Variants in SLC10A7 observed in about 807,000 individuals in gnomAD.
SLC10A7 encodes sodium/bile acid cotransporter 7.
In SLC10A7, 29 loss-of-function variants were observed where a neutral mutation model predicts 43.2. That is an observed-to-expected ratio of 0.67 (90% CI 0.50 to 0.92). SLC10A7 has a LOEUF of 0.92. SLC10A7 is among the 40% of genes least tolerant of loss of function. SLC10A7 has a pLI of 0.00. For synonymous variants in SLC10A7, 152 were observed against 144.8 expected, an observed-to-expected ratio of 1.05 and a Z score of -0.35; for missense variants, 295 against 403.2, an observed-to-expected ratio of 0.73 and a Z score of 2.30.
chr4:146,513,438 T>G (rs10026558), intron 2 of SLC10A7, among the ~76,000 whole-genome samples: 121,504 of 152,116 alleles, frequency 0.8, 48,986 homozygotes, highest in East Asian at 0.96. Flanking sequence ...ACTAAAAAAT[T>G]GATGTTAATA....
intron 5 of SLC10A7, among the ~76,000 whole-genome samples, chr4:146,336,338 G>A (rs545869617): frequency 1.3e-5 from 2 of 152,048 alleles, no homozygotes; most frequent in African/African-American, 4.8e-5. Context: ...ACTTGGCTTT[G>A]AGTGAACCCA....
At chr4:146,408,290 A>C (rs901440609) in intron 5 of SLC10A7, among the ~76,000 whole-genome samples, 1 of 152,052 alleles carries the variant, frequency 6.6e-6, no homozygotes, top group Admixed American at 6.6e-5. Context: ...GCTCACAGCT[A>C]TGATCTTAGC....
intron 5 of SLC10A7, among the ~76,000 whole-genome samples, chr4:146,432,964 G>A (rs890307419): frequency 2.0e-5 from 3 of 151,138 alleles, no homozygotes; most frequent in Non-Finnish European, 4.4e-5. Flanking sequence ...CGTGAACTCG[G>A]GAGGCGGAGC....
chr4:146,289,505 T>C (rs1448427995), intron 9 of SLC10A7, among the ~76,000 whole-genome samples: 1 of 152,098 alleles, frequency 6.6e-6, no homozygotes, highest in Non-Finnish European at 1.5e-5. Flanking sequence ...CTGCTTTCCT[T>C]TTCTAAGCTT....
intron 10 of SLC10A7, among the ~76,000 whole-genome samples, chr4:146,259,872 C>T (rs10519783): frequency 0.47 from 70,935 of 152,038 alleles, 16,794 homozygotes; most frequent in Admixed American, 0.57. Flanking sequence ...GCTTTAATAG[C>T]CTAGCTTTCT....
chr4:146,515,292 A>C, intron 2 of SLC10A7: 1 of 627,560 alleles, frequency 1.6e-6, no homozygotes, highest in Non-Finnish European at 2.9e-6. Flanking sequence ...CATAAAGAGC[A>C]TTAGCCAAGG....
chr4:146,464,484 G>A (rs938271104), intron 4 of SLC10A7, among the ~76,000 whole-genome samples: 3 of 151,844 alleles, frequency 2.0e-5, no homozygotes, highest in Admixed American at 2.0e-4. Context: ...TACCATACAA[G>A]AACATAAAAT....
At chr4:146,383,812 GACA>G (rs1244845077) in intron 5 of SLC10A7, among the ~76,000 whole-genome samples, 1 of 152,132 alleles carries the variant, frequency 6.6e-6, no homozygotes, top group African/African-American at 2.4e-5. Flanking sequence ...TGATGATGAA[GACA>G]ACAACAAGCT....
intron 1 of SLC10A7, 109 bp from the exon 2 acceptor site, chr4:146,517,229 G>T: frequency 1.4e-6 from 1 of 728,692 alleles, no homozygotes; most frequent in Non-Finnish European, 2.2e-6. Flanking sequence ...TTGGGAGGCC[G>T]AGGCGAGTAG....
At chr4:146,282,751 T>G (rs1729630516) in intron 10 of SLC10A7, among the ~76,000 whole-genome samples, 1 of 152,202 alleles carries the variant, frequency 6.6e-6, no homozygotes, top group African/African-American at 2.4e-5. Flanking sequence ...AGCATCAAAC[T>G]AATGTCAATA....
chr4:146,442,029 A>C (rs1014022161), intron 5 of SLC10A7: 122 of 977,420 alleles, frequency 1.2e-4, no homozygotes, highest in Non-Finnish European at 1.3e-4. Context: ...GTTATGCCCC[A>C]AAAAATACAA....
intron 4 of SLC10A7, among the ~76,000 whole-genome samples, chr4:146,454,052 T>C (rs539449732): frequency 1.3e-4 from 20 of 152,076 alleles, no homozygotes; most frequent in African/African-American, 4.6e-4. Context: ...TAGAATACTT[T>C]TTAAGAGCTT....
rs528279298 is a variant in SLC10A7 at position 146,518,137 on chromosome 4, T to C, written c.101-1017A>G. ...TAAAAGTATCATTTGTGAGTGGATA[T>C]AAGTATCATTTGTGACATGTACACA... is the stretch of plus-strand genomic sequence containing the variant. On this transcript the variant is annotated intron_variant, in intron 1 of 11. Coordinates refer to ENST00000335472, the MANE Select transcript of SLC10A7 (RefSeq NM_001029998.6). 7.3e-4 allele frequency among the ~76,000 whole-genome samples: 111 copies of C among 152,280 alleles called. 1 individual carries two copies. Among genetic ancestry groups the C allele is most frequent in the African/African-American group, 2.6e-3 (106 of 41,556 alleles).
At chr4:146,463,357 T>G (rs747515300) in intron 4 of SLC10A7, among the ~76,000 whole-genome samples, 12 of 152,124 alleles carry the variant, frequency 7.9e-5, no homozygotes, top group Non-Finnish European at 1.3e-4. Context: ...AAAGTTAACT[T>G]CACACGCTTT....
chr4:146,498,299 G>T (rs755231401), intron 4 of SLC10A7, among the ~76,000 whole-genome samples: 3 of 151,946 alleles, frequency 2.0e-5, no homozygotes, highest in Non-Finnish European at 4.4e-5. Flanking sequence ...TGTATTTTTA[G>T]TAGAGACGAG....
chr4:146,438,071 A>G lies in SLC10A7; in HGVS notation c.435+4712T>C, dbSNP rs561268712. ...TGTCACAAGTTATTATTATTAAAAC[A>G]TGGCACTTGTGTTTGGGATTTCTTT... On this transcript the variant is annotated intron_variant, in intron 5 of 11. Coordinates refer to ENST00000335472, the MANE Select transcript of SLC10A7 (RefSeq NM_001029998.6). Among the ~76,000 whole-genome samples, 3 of 152,078 alleles carry G rather than the reference A, an allele frequency of 2.0e-5. No homozygotes were observed. In the South Asian group the frequency reaches 6.2e-4, roughly 32 times the overall value.
intron 9 of SLC10A7, among the ~76,000 whole-genome samples, chr4:146,285,954 G>A (rs1161416474): frequency 6.6e-6 from 1 of 151,410 alleles, no homozygotes; most frequent in Admixed American, 6.6e-5. Flanking sequence ...TTTGAGTGGT[G>A]AGAAGGACTG....
chr4:146,456,097 A>G (rs1186042964), intron 4 of SLC10A7, among the ~76,000 whole-genome samples: 1 of 151,898 alleles, frequency 6.6e-6, no homozygotes, highest in Non-Finnish European at 1.5e-5. Flanking sequence ...AGATGGCATA[A>G]TTCCAAAGGC....
chr4:146,454,219 C>G (rs1417924116), intron 4 of SLC10A7, among the ~76,000 whole-genome samples: 1 of 151,812 alleles, frequency 6.6e-6, no homozygotes, highest in Non-Finnish European at 1.5e-5. Flanking sequence ...ATATTTAATT[C>G]AAGATTTTAA....
Sources: gnomAD v4.1 joint callset for allele counts (sites outside exome capture counted in the v4.1 genomes callset) on GRCh38, gnomAD v4.1.1 for gene constraint, MANE v1.5 for transcripts, NCBI Gene and HGNC (gene_info 2026-07-23, HGNC 2026-07-21) for gene names.